The following THSD7A variants were observed in gnomAD, a reference collection of about 807,000 sequenced individuals.
THSD7A encodes thrombospondin type-1 domain-containing protein 7A.
In THSD7A, 96 loss-of-function variants were observed where a neutral mutation model predicts 231.3. That is an observed-to-expected ratio of 0.41 (90% CI 0.35 to 0.49). The LOEUF is 0.49. Ranked by LOEUF, THSD7A falls within the 20% of genes least tolerant of loss-of-function variation. The pLI is 0.05. For synonymous variants in THSD7A, 940 were observed against 743.3 expected (o/e 1.26, Z -4.30); for missense variants, 2,290 against 2,070.2 (o/e 1.11, Z -2.06).
chr7:11,544,091 C>T (rs570883531), intron 4 of THSD7A, among the ~76,000 whole-genome samples: 41 of 152,154 alleles, frequency 2.7e-4, no homozygotes, highest in African/African-American at 9.4e-4. Flanking sequence ...TGCCTGTAAT[C>T]CCAGCATTTT....
At chr7:11,689,811 TAAA>T (rs35668623) in intron 1 of THSD7A, among the ~76,000 whole-genome samples, 1 of 129,524 alleles carries the variant, frequency 7.7e-6, no homozygotes, top group Non-Finnish European at 1.6e-5. Context: ...TGGAATTAGT[TAAA>T]AAAAAAAAAA....
intron 6 of THSD7A, among the ~76,000 whole-genome samples, chr7:11,506,530 C>G (rs1787551416): frequency 6.6e-6 from 1 of 152,158 alleles, no homozygotes; most frequent in Non-Finnish European, 1.5e-5. Context: ...AAACATAGTT[C>G]AGATCACAAC....
At chr7:11,665,167 T>C (rs1184404158) in intron 1 of THSD7A, among the ~76,000 whole-genome samples, 1 of 152,076 alleles carries the variant, frequency 6.6e-6, no homozygotes, top group African/African-American at 2.4e-5. Context: ...AATAAGATCA[T>C]GGGACAAAGC....
intron 23 of THSD7A, among the ~76,000 whole-genome samples, chr7:11,397,369 T>C (rs542449670): frequency 6.6e-6 from 1 of 152,292 alleles, no homozygotes; most frequent in Admixed American, 6.5e-5. Context: ...TGCAGAAAAC[T>C]GAAACCGGAC....
intron 1 of THSD7A, among the ~76,000 whole-genome samples, chr7:11,812,832 G>C (rs894115150): frequency 6.6e-6 from 1 of 152,088 alleles, no homozygotes; most frequent in African/African-American, 2.4e-5. Context: ...CACGATATAT[G>C]TCCTGGCTGC....
chr7:11,579,307 G>A (rs1032621816), intron 4 of THSD7A, among the ~76,000 whole-genome samples: 5 of 152,164 alleles, frequency 3.3e-5, no homozygotes, highest in African/African-American at 1.2e-4. Context: ...CAGCAAGGCA[G>A]GGAACAACCA....
intron 6 of THSD7A, among the ~76,000 whole-genome samples, chr7:11,496,730 T>C (rs572327085): frequency 1.5e-4 from 23 of 152,122 alleles, no homozygotes; most frequent in Non-Finnish European, 2.1e-4. Context: ...AAGGAAACTA[T>C]ACAGATGAAA....
intron 1 of THSD7A, among the ~76,000 whole-genome samples, chr7:11,704,131 T>C (rs1363523693): frequency 6.6e-6 from 1 of 150,908 alleles, no homozygotes; most frequent in Non-Finnish European, 1.5e-5. Context: ...TTAATACAAG[T>C]GGGAAAAAGA....
rs753865469 is a variant in THSD7A, at chr7:11,729,622, A to G, written c.191-92661T>C. Among the ~76,000 whole-genome samples the G allele has an allele frequency of 1.4e-4, 22 of 151,842 alleles. 1 individual carries two copies. Among genetic ancestry groups the G allele is most frequent in the African/African-American group, 2.4e-5 (1 of 41,434 alleles). ...TACAGGTTGTTTTGTTGGTTTTCTC[A>G]TGTAAATAACTTAAAAGAAGCAGAT... On this transcript the variant is annotated intron_variant, in intron 1 of 27. Coordinates refer to ENST00000423059, the MANE Select transcript of THSD7A (RefSeq NM_015204.3).
Position 11,541,601 on chromosome 7 carries a change from T to A in THSD7A, c.1640A>T (p.Asn547Ile). ...GFKLRKRRITNEPTGGSGVTG... is the reference protein window; with the variant it reads ...GFKLRKRRITIEPTGGSGVTG... Reference sequence around the variant, plus strand: ...TACCCCAGAGCCTCCAGTGGGCTCATTGGTAATGCGCCGCTTCCTCAGTTT... The same window carrying A: ...TACCCCAGAGCCTCCAGTGGGCTCAATGGTAATGCGCCGCTTCCTCAGTTT... The change falls in exon 6 of 28, where the codon AAT (asparagine) becomes ATT (isoleucine). Residue 547 changes from asparagine (N) to isoleucine (I), a missense_variant. Coordinates refer to ENST00000423059, the MANE Select transcript of THSD7A (RefSeq NM_015204.3). The A allele has an allele frequency of 6.2e-7, 1 of 1,613,932 alleles. No homozygotes were observed. Among genetic ancestry groups the A allele is most frequent in the Middle Eastern group, 1.7e-4 (1 of 6,058 alleles).
chr7:11,782,476 G>T (rs576545201), intron 1 of THSD7A, among the ~76,000 whole-genome samples: 1 of 152,188 alleles, frequency 6.6e-6, no homozygotes, highest in African/African-American at 2.4e-5. Flanking sequence ...AGTATTTACC[G>T]AAATGAATTG....
intron 19 of THSD7A, among the ~76,000 whole-genome samples, chr7:11,410,248 G>A (rs1005595764): frequency 1.8e-4 from 24 of 130,820 alleles, no homozygotes; most frequent in African/African-American, 6.6e-4. Flanking sequence ...CATGAACGGA[G>A]ATGTAAGAAA....
At chr7:11,458,377 G>C (rs1323821394) in intron 11 of THSD7A, among the ~76,000 whole-genome samples, 1 of 151,956 alleles carries the variant, frequency 6.6e-6, no homozygotes, top group African/African-American at 2.4e-5. Context: ...TGTTTCTATA[G>C]AAATATAAGC....
At chr7:11,385,742 T>C (rs1782714112) in intron 23 of THSD7A, 1 of 152,122 alleles carries the variant, frequency 6.6e-6, no homozygotes, top group African/African-American at 2.4e-5. Flanking sequence ...CTGGTTTTAC[T>C]GCCAAGGTTA....
chr7:11,417,928 A>T (rs1300398861), intron 16 of THSD7A, among the ~76,000 whole-genome samples: 2 of 152,224 alleles, frequency 1.3e-5, no homozygotes, highest in African/African-American at 4.8e-5. Flanking sequence ...AGGGTCATTT[A>T]TACACATATG....
chr7:11,803,943 G>T (rs1016700543), intron 1 of THSD7A, among the ~76,000 whole-genome samples: 4 of 152,014 alleles, frequency 2.6e-5, no homozygotes, highest in Non-Finnish European at 4.4e-5. Flanking sequence ...AATTAATCTA[G>T]TTATGTACTG....
intron 6 of THSD7A, among the ~76,000 whole-genome samples, chr7:11,512,121 G>A (rs906730715): frequency 1.3e-5 from 2 of 152,084 alleles, no homozygotes; most frequent in Non-Finnish European, 2.9e-5. Context: ...AAAAGTAGGC[G>A]AGGGATATGA....
At chr7:11,748,981 G>C (rs535741627) in intron 1 of THSD7A, among the ~76,000 whole-genome samples, 287 of 151,832 alleles carry the variant, frequency 1.9e-3, no homozygotes, top group Non-Finnish European at 3.2e-3. Context: ...GAGCGGGGAG[G>C]GGAGCAGCTC....
intron 6 of THSD7A, among the ~76,000 whole-genome samples, chr7:11,496,114 T>C (rs1787087943): frequency 6.6e-6 from 1 of 152,304 alleles, no homozygotes; most frequent in African/African-American, 2.4e-5. Context: ...CATAAAATTA[T>C]AACATGGAAC....
Sources: allele counts gnomAD v4.1 joint callset (sites outside exome capture counted in the v4.1 genomes callset), GRCh38; gene constraint gnomAD v4.1.1; transcripts MANE v1.5; gene names NCBI Gene and HGNC (gene_info 2026-07-23, HGNC 2026-07-21).